The following WDR17 variants were observed in gnomAD, a reference collection of about 807,000 sequenced individuals.
WDR17 encodes the protein WD repeat domain 17, also known as WD repeat-containing protein 17.
WDR17 carries 143 observed loss-of-function variants against 161.7 expected under a neutral mutation model. The observed-to-expected ratio is 0.88, with a 90% CI of 0.77 to 1.02. The LOEUF (loss-of-function observed/expected upper bound fraction) is 1.02. WDR17 is among the 50% of genes least tolerant of loss of function. The pLI, the probability that WDR17 is intolerant of heterozygous loss-of-function variation, is 0.00. For missense variants in WDR17, 1,469 were observed against 1,520.9 expected (o/e 0.97, Z 0.57); for synonymous variants, 517 against 515.6 (o/e 1.00, Z -0.04).
At chr4:176,145,650 G>T (rs1476606837) in intron 11 of WDR17, among the ~76,000 whole-genome samples, 19 of 152,186 alleles carry the variant, frequency 1.2e-4, no homozygotes, top group Admixed American at 1.2e-3. Flanking sequence ...AGACCTAAGT[G>T]TTGCAGAATG....
At chr4:176,156,915 T>C (rs75380785) in intron 18 of WDR17, among the ~76,000 whole-genome samples, 3,074 of 152,188 alleles carry the variant, frequency 0.02, 105 homozygotes, top group African/African-American at 0.071. Context: ...GCACATGGCA[T>C]TATTCCCTGT....
At chr4:176,128,076 T>C (rs1164817849) in intron 5 of WDR17, among the ~76,000 whole-genome samples, 1 of 152,230 alleles carries the variant, frequency 6.6e-6, no homozygotes, top group East Asian at 1.9e-4. Flanking sequence ...ACGCATTGTT[T>C]CCACCTTTTT....
chr4:176,100,090 G>A (rs1461024156), intron 1 of WDR17, among the ~76,000 whole-genome samples: 1 of 152,004 alleles, frequency 6.6e-6, no homozygotes, highest in Non-Finnish European at 1.5e-5. Flanking sequence ...TTCCTTTTGG[G>A]TAGATACACA....
intron 22 of WDR17, among the ~76,000 whole-genome samples, chr4:176,167,662 A>AACAAC (rs1750051867): frequency 2.2e-5 from 1 of 45,266 alleles, no homozygotes; most frequent in African/African-American, 5.1e-5. Flanking sequence ...AAAAAAAAAA[A>AACAAC]AAAAAAAAAA....
chr4:176,111,778 C>T (rs935096730), intron 2 of WDR17, 75 bp downstream of exon 2: 135 of 1,267,278 alleles, frequency 1.1e-4, no homozygotes, highest in Admixed American at 2.3e-4. Context: ...ATTTTAAGTC[C>T]TTGTTACATG....
At chr4:176,167,989 A>T (rs966627791) in intron 22 of WDR17, among the ~76,000 whole-genome samples, 1 of 151,872 alleles carries the variant, frequency 6.6e-6, no homozygotes, top group African/African-American at 2.4e-5. Flanking sequence ...TCTACTAAAA[A>T]TACAAAAATT....
At position 176,173,280 on chromosome 4, in the gene WDR17, C is replaced by T. The variant is rs2126887029; in HGVS notation, c.3258C>T (p.Ser1086=). ...TAATTTTTCCAGAATACATCAGTAG[C>T]TCAGACTGGACTTTGGATACCATAT... ...GISFVKEYIS[S]SDWTLDTIYP... The change falls in exon 25 of 29, where the codon AGC becomes AGT. Residue 1086 remains serine (S), a synonymous_variant. Coordinates refer to ENST00000508596, the MANE Select transcript of WDR17 (RefSeq NM_181265.4). 6.2e-7 allele frequency: 1 copy of T among 1,609,456 alleles called. No homozygotes were observed. Among genetic ancestry groups the T allele is most frequent in the African/African-American group, 1.3e-5 (1 of 74,798 alleles).
chr4:176,179,717 A>G lies in WDR17; in HGVS notation c.*138A>G. On this transcript the variant is annotated 3_prime_UTR_variant, in exon 29 of 29. Coordinates refer to ENST00000508596, the MANE Select transcript of WDR17 (RefSeq NM_181265.4). ...TTGGGAGAGGTGGGAAATAGCAGTGAATTTTAGTCATTAACTTCAAAATAT... is the reference window on the plus strand; with the variant it reads ...TTGGGAGAGGTGGGAAATAGCAGTGGATTTTAGTCATTAACTTCAAAATAT... 1.5e-6 allele frequency: 1 copy of G among 648,314 alleles called. No homozygotes were observed. Among genetic ancestry groups the G allele is most frequent in the Non-Finnish European group, 2.2e-6 (1 of 456,450 alleles). 40.2% of individuals were successfully genotyped at this position (648,314 alleles called of 1,614,324 possible). A position where few individuals can be genotyped will look rare whatever the true frequency, so the allele number is the denominator to read the frequency against.
intron 1 of WDR17, among the ~76,000 whole-genome samples, chr4:176,086,853 T>A (rs568177576): frequency 6.6e-6 from 1 of 151,792 alleles, no homozygotes; most frequent in Non-Finnish European, 1.5e-5. Context: ...AATTTTTAAT[T>A]AATTACACTT....
intron 9 of WDR17, 85 bp from the exon 10 acceptor site, chr4:176,139,807 A>G (rs1274928878): frequency 2.7e-5 from 31 of 1,127,344 alleles, no homozygotes; most frequent in Non-Finnish European, 3.8e-5. Context: ...TCCTAACAGA[A>G]AAGTAATACT....
chr4:176,076,254 TACACACACAC>T (rs1302008397), intron 1 of WDR17, among the ~76,000 whole-genome samples: 1 of 59,504 alleles, frequency 1.7e-5, no homozygotes, highest in Non-Finnish European at 4.2e-5. Context: ...TATATATATA[TACACACACAC>T]ACACATATAT....
At position 176,151,569 on chromosome 4, in the gene WDR17, T is replaced by C. The variant is rs143564360; in HGVS notation, c.2305-243T>C. Among the ~76,000 whole-genome samples the C allele has an allele frequency of 5.5e-3, 838 of 152,320 alleles. 6 individuals are homozygous for C. The highest frequency in any genetic ancestry group is 0.019 in the African/African-American group (810 of 41,570). ...TAAAACAATTTTTTTAAATTTTTAA[T>C]TATTATGGATGCATAATAGTTTATG... is the stretch of plus-strand genomic sequence containing the variant. On this transcript the variant is annotated intron_variant, in intron 16 of 28. Coordinates refer to ENST00000508596, the MANE Select transcript of WDR17 (RefSeq NM_181265.4).
At chr4:176,151,730 A>G (rs1003683661) in intron 16 of WDR17, 82 bp from the exon 17 acceptor site, 8 of 1,280,376 alleles carry the variant, frequency 6.2e-6, no homozygotes, top group South Asian at 1.6e-5. Flanking sequence ...TAGTTATTTC[A>G]AAATATGCAA....
At chr4:176,120,321 A>ATATATATATATATAT (rs1561130376) in intron 4 of WDR17, among the ~76,000 whole-genome samples, 7 of 134,890 alleles carry the variant, frequency 5.2e-5, no homozygotes, top group African/African-American at 2.0e-4. Context: ...TATATATATA[A>ATATATATATATATAT]TACATTCAAC....
intron 5 of WDR17, among the ~76,000 whole-genome samples, chr4:176,127,324 G>A (rs1262067533): frequency 4.7e-5 from 7 of 148,178 alleles, no homozygotes; most frequent in African/African-American, 1.0e-4. Context: ...ACAGTGTCTC[G>A]CTCTGTCACC....
chr4:176,135,235 C>G lies in WDR17; in HGVS notation c.1226C>G (p.Pro409Arg). ...INTLTAVYTS[P>R]GNEGVIYSLS... ...ACATTAACAGCAGTGTACACATCCC[C>G]GGGTAATGAAGGTGTTATTTATTCC... The change falls in exon 8 of 29, where the codon CCG becomes CGG. Residue 409 changes from proline to arginine, a missense_variant. By Grantham distance (103) the Pro-to-Arg change is moderately radical. Transcript: ENST00000508596. 1.2e-6 allele frequency: 2 copies of G among 1,612,086 alleles called. No individual in the cohort carries two copies. Among genetic ancestry groups the G allele is most frequent in the Non-Finnish European group, 1.7e-6 (2 of 1,178,504 alleles).
intron 3 of WDR17, among the ~76,000 whole-genome samples, chr4:176,117,841 T>A (rs564218810): frequency 5.9e-5 from 9 of 152,264 alleles, no homozygotes; most frequent in South Asian, 4.1e-4. Context: ...TGCAAAAAAA[T>A]TATGACTATT....
intron 1 of WDR17, among the ~76,000 whole-genome samples, chr4:176,109,607 G>C (rs1304865957): frequency 6.6e-6 from 1 of 152,188 alleles, no homozygotes; most frequent in Non-Finnish European, 1.5e-5. Context: ...CTTTTCAGAA[G>C]TGGAAATATG....
Position 176,179,756 on chromosome 4 carries a change from A to T in WDR17, c.*177A>T, listed in dbSNP as rs2126908917. On this transcript the variant is annotated 3_prime_UTR_variant, in exon 29 of 29. Transcript: ENST00000508596. ...ACTTCAAAATATATATATATATATA[A>T]TTTAAAGGAAAAATAGGTGCCTCCT... is the stretch of plus-strand genomic sequence containing the variant. The T allele has an allele frequency of 3.4e-6, 1 of 291,808 alleles. No individual in the cohort carries two copies. The highest frequency in any genetic ancestry group is 5.8e-6 in the Non-Finnish European group (1 of 173,514). 18.1% of individuals were successfully genotyped at this position (291,808 alleles called of 1,614,324 possible). A position where few individuals can be genotyped will look rare whatever the true frequency, so the allele number is the denominator to read the frequency against.
Sources: allele counts gnomAD v4.1 joint callset (sites outside exome capture counted in the v4.1 genomes callset), GRCh38; gene constraint gnomAD v4.1.1; transcripts MANE v1.5; gene names NCBI Gene and HGNC (gene_info 2026-07-23, HGNC 2026-07-21).